The following FAM78A variants were observed in gnomAD, a reference collection of about 807,000 sequenced individuals.
FAM78A encodes family with sequence similarity 78 member A.
A neutral mutation model predicts 22.6 loss-of-function variants in FAM78A; 12 were observed. The ratio of observed to expected loss-of-function variants is 0.53; its 90% CI spans 0.34 to 0.86. FAM78A has a LOEUF of 0.86. Ranked by LOEUF, FAM78A falls within the 40% of genes least tolerant of loss-of-function variation. The pLI is 0.02. For missense variants in FAM78A, 322 were observed against 396.1 expected, an observed-to-expected ratio of 0.81 and a Z score of 1.59; for synonymous variants, 151 against 155.8, an observed-to-expected ratio of 0.97 and a Z score of 0.23.
Position 131,275,844 on chromosome 9 carries a change from C to G in FAM78A, c.323+13G>C. The stretch of plus-strand genomic sequence containing the variant: ...CCTAGCAGTTCCCAGAGCTGGCTCT[C>G]GGCCGTACTCACATGCCCTGCTCGC... On this transcript the variant is annotated intron_variant, in intron 1 of 1. Transcript: ENST00000372271. This position sits in a 1 kb window ranked among gnomAD's most constrained non-coding sequence, Gnocchi z 4.6. The G allele has an allele frequency of 1.3e-6, 2 of 1,561,942 alleles. No homozygotes were observed. Among genetic ancestry groups the G allele is most frequent in the Non-Finnish European group, 1.7e-6 (2 of 1,151,386 alleles).
intron 1 of FAM78A, among the ~76,000 whole-genome samples, chr9:131,267,912 C>A (rs1216280689): frequency 6.6e-6 from 1 of 152,046 alleles, no homozygotes; most frequent in South Asian, 2.1e-4. Context: ...ATTAGCTGGG[C>A]GTGGTGGCAG....
chr9:131,261,459 G>T lies in FAM78A; in HGVS notation c.324-109C>A. On this transcript the variant is annotated intron_variant, in intron 1 of 1. Transcript: ENST00000372271. This position sits in a 1 kb window ranked among gnomAD's most constrained non-coding sequence, Gnocchi z 7.1. The stretch of plus-strand genomic sequence containing the variant: ...GGGCCCTGAGGATGGAACGGACCCA[G>T]CAGACCACCCGGTCCCCTTTGACGT... The T allele has an allele frequency of 2.8e-6, 3 of 1,072,200 alleles. No homozygotes were observed. Among genetic ancestry groups the T allele is most frequent in the Non-Finnish European group, 2.6e-6 (2 of 769,668 alleles). 66.4% of individuals were successfully genotyped at this position (1,072,200 alleles called of 1,614,324 possible).
In FAM78A at chr9:131,271,243, C is replaced by T. The variant is rs893412759; in HGVS notation, c.323+4614G>A. Among the ~76,000 whole-genome samples the T allele has an allele frequency of 4.6e-4, 70 of 152,270 alleles. 1 individual carries two copies. The highest frequency in any genetic ancestry group is 1.6e-3 in the African/African-American group (65 of 41,548). ...CAGGCTGACCACTGGCCGTTCATAA[C>T]ACAGTGACAGCACTCATGCTATAGA... On this transcript the variant is annotated intron_variant, in intron 1 of 1. Coordinates refer to ENST00000372271, the MANE Select transcript of FAM78A (RefSeq NM_033387.4).
At chr9:131,269,674 G>A (rs1014246261) in intron 1 of FAM78A, among the ~76,000 whole-genome samples, 18 of 152,006 alleles carry the variant, frequency 1.2e-4, no homozygotes, top group Middle Eastern at 3.4e-3. Flanking sequence ...ACAGGGTTTC[G>A]CCATGTTGGC....
At chr9:131,264,468 G>A (rs1006918539) in intron 1 of FAM78A, 9 of 650,734 alleles carry the variant, frequency 1.4e-5, no homozygotes, top group Admixed American at 2.2e-5. Context: ...CCAGCTACTC[G>A]CACTGTGGTC....
At chr9:131,264,462 C>T in intron 1 of FAM78A, 1 of 646,222 alleles carries the variant, frequency 1.5e-6, no homozygotes, top group East Asian at 2.8e-5. Context: ...TCAGCCCCAG[C>T]TACTCGCACT....
chr9:131,277,118 C>T (rs935878959), upstream of FAM78A, among the ~76,000 whole-genome samples: 6 of 151,006 alleles, frequency 4.0e-5, no homozygotes, highest in Non-Finnish European at 8.9e-5. This position sits in a 1 kb window ranked among gnomAD's most constrained non-coding sequence, Gnocchi z 8.4. Context: ...CCCGCGCCCG[C>T]CCCGTCAGTG....
In FAM78A at chr9:131,261,440, T is replaced by G; in HGVS notation, c.324-90A>C. On this transcript the variant is annotated intron_variant, in intron 1 of 1. Coordinates refer to ENST00000372271, the MANE Select transcript of FAM78A (RefSeq NM_033387.4). This position sits in a 1 kb window ranked among gnomAD's most constrained non-coding sequence, Gnocchi z 7.1. ...GCAGGCCAGGGGCTGTCCTGGGCCC[T>G]GAGGATGGAACGGACCCAGCAGACC... is the stretch of plus-strand genomic sequence containing the variant. 8.5e-6 allele frequency: 11 copies of G among 1,292,224 alleles called. No homozygotes were observed. The highest frequency in any genetic ancestry group is 1.1e-5 in the Non-Finnish European group (11 of 966,846). 80.0% of individuals were successfully genotyped at this position (1,292,224 alleles called of 1,614,324 possible).
At chr9:131,271,710 C>T (rs1299257063) in intron 1 of FAM78A, among the ~76,000 whole-genome samples, 1 of 152,256 alleles carries the variant, frequency 6.6e-6, no homozygotes, top group South Asian at 2.1e-4. Context: ...TGGCCATGGG[C>T]GTGGCTGTGG....
chr9:131,261,527 T>C lies in FAM78A; in HGVS notation c.324-177A>G, dbSNP rs1835269895. 6.6e-6 allele frequency among the ~76,000 whole-genome samples: 1 copy of C among 152,080 alleles called. No homozygotes were observed. The highest frequency in any genetic ancestry group is 1.5e-5 in the Non-Finnish European group (1 of 68,002). On this transcript the variant is annotated intron_variant, in intron 1 of 1. Transcript: ENST00000372271. This position sits in a 1 kb window ranked among gnomAD's most constrained non-coding sequence, Gnocchi z 7.1. ...AGACAGTAGCTCGGAGTCACTGTCA[T>C]CACTGCTGCTGTTACAATCATAACC... is the stretch of plus-strand genomic sequence containing the variant.
upstream of FAM78A, among the ~76,000 whole-genome samples, chr9:131,280,510 C>T (rs1287371649): frequency 2.6e-5 from 4 of 152,226 alleles, no homozygotes; most frequent in Admixed American, 1.3e-4. Context: ...TCCCCTCCCC[C>T]AGGCCTCAGG....
intron 1 of FAM78A, among the ~76,000 whole-genome samples, chr9:131,271,191 G>A (rs1397300525): frequency 1.3e-5 from 2 of 151,854 alleles, no homozygotes; most frequent in Admixed American, 6.6e-5. Context: ...TGTATTTTTT[G>A]TAGGGACAAG....
At position 131,264,332 on chromosome 9, in the gene FAM78A, G is replaced by A. The variant is rs562610251; in HGVS notation, c.324-2982C>T. On this transcript the variant is annotated intron_variant, in intron 1 of 1. Coordinates refer to ENST00000372271, the MANE Select transcript of FAM78A (RefSeq NM_033387.4). Reference sequence around the variant, plus strand: ...CAAAGACAGGTGAGGAGCCTCCCAGGCTGGCAGACAGCACTGCGTCACGCG... The same window carrying A: ...CAAAGACAGGTGAGGAGCCTCCCAGACTGGCAGACAGCACTGCGTCACGCG... 1.0e-5 allele frequency: 5 copies of A among 488,372 alleles called. No homozygotes were observed. The South Asian group carries it at 1.6e-4, about 15-fold the overall frequency. The allele number at this position is 488,372 out of a possible 1,614,324, so 30.3% of individuals were successfully genotyped here. A position where few individuals can be genotyped will look rare whatever the true frequency, so the allele number is the denominator to read the frequency against.
At chr9:131,269,024 C>T (rs1835382850) in intron 1 of FAM78A, among the ~76,000 whole-genome samples, 1 of 151,416 alleles carries the variant, frequency 6.6e-6, no homozygotes, top group Admixed American at 6.6e-5. Flanking sequence ...TGGTGAAACC[C>T]CGAGAGGCAG....
At chr9:131,278,672 G>C (rs1257673221), upstream of FAM78A, among the ~76,000 whole-genome samples, 1 of 152,232 alleles carries the variant, frequency 6.6e-6, no homozygotes, top group African/African-American at 2.4e-5. Flanking sequence ...GGGTCCCAGT[G>C]CAGGGGCTCA....
At chr9:131,269,050 G>A (rs139531060) in intron 1 of FAM78A, among the ~76,000 whole-genome samples, 2 of 147,466 alleles carry the variant, frequency 1.4e-5, no homozygotes, top group African/African-American at 5.0e-5. Context: ...GCAATGAGCC[G>A]AGATAGCACC....
In FAM78A at chr9:131,259,885, A is replaced by C. The variant is rs771060981; in HGVS notation, c.*937T>G. ...CTGGGGGTGGGTCCTGAGGACTGAG[A>C]GGGTGAAAATTCCCTGGGCTCACAG... On this transcript the variant is annotated 3_prime_UTR_variant, in exon 2 of 2. Coordinates refer to ENST00000372271, the MANE Select transcript of FAM78A (RefSeq NM_033387.4). The C allele has an allele frequency of 2.0e-5, 3 of 152,808 alleles. No homozygotes were observed. Among genetic ancestry groups the C allele is most frequent in the African/African-American group, 4.8e-5 (2 of 41,564 alleles). 9.5% of individuals were successfully genotyped at this position (152,808 alleles called of 1,614,324 possible). A position where few individuals can be genotyped will look rare whatever the true frequency, so the allele number is the denominator to read the frequency against.
chr9:131,273,725 G>A (rs1212644508), intron 1 of FAM78A, among the ~76,000 whole-genome samples: 1 of 152,176 alleles, frequency 6.6e-6, no homozygotes, highest in Non-Finnish European at 1.5e-5. Context: ...TCACAACACC[G>A]CTAAGGATGA....
At chr9:131,267,846 C>A (rs1254765438) in intron 1 of FAM78A, among the ~76,000 whole-genome samples, 1 of 151,606 alleles carries the variant, frequency 6.6e-6, no homozygotes, top group Non-Finnish European at 1.5e-5. Context: ...GAGATCGAGA[C>A]CATCCTGGCT....
Sources: allele counts gnomAD v4.1 joint callset (sites outside exome capture counted in the v4.1 genomes callset), GRCh38; gene constraint gnomAD v4.1.1; non-coding constraint Gnocchi (gnomAD v3.1); transcripts MANE v1.5; gene names NCBI Gene and HGNC (gene_info 2026-07-23, HGNC 2026-07-21).